SLC2A7: variants seen among roughly 807,000 people sequenced by gnomAD.
SLC2A7 encodes the protein solute carrier family 2, facilitated glucose transporter member 7.
SLC2A7 carries 50 observed loss-of-function variants against 50.5 expected under a neutral mutation model. That is an observed-to-expected ratio of 0.99 (90% CI 0.79 to 1.25). The LOEUF (loss-of-function observed/expected upper bound fraction) is 1.25, where lower values mean the gene tolerates loss of function less well. Among genes scored for constraint, SLC2A7 ranks in the 50% most tolerant of loss-of-function variants. The pLI is 0.00. For synonymous variants in SLC2A7, 308 were observed against 300.4 expected (o/e 1.03, Z -0.26); for missense variants, 683 against 679.1 (o/e 1.01, Z -0.06).
At chr1:8,993,692 A>C in the SLC2A7 span, among the ~76,000 whole-genome samples, 1 of 152,172 alleles carries the variant, frequency 6.6e-6, no homozygotes, top group Admixed American at 6.5e-5. Context: ...CAGTGGCACG[A>C]TCTTGGCTCA....
At chr1:9,012,603 T>C (rs1371308359) in intron 8 of SLC2A7, among the ~76,000 whole-genome samples, 1 of 152,196 alleles carries the variant, frequency 6.6e-6, no homozygotes, top group Non-Finnish European at 1.5e-5. Context: ...AAATAATAGA[T>C]AACTTTCTTG....
At chr1:9,023,177 T>C in intron 2 of SLC2A7, 99 bp from the exon 3 acceptor site, 1 of 1,326,656 alleles carries the variant, frequency 7.5e-7, no homozygotes, top group East Asian at 2.3e-5. Flanking sequence ...CAGAGAGGTT[T>C]TTCTGCTAAC....
chr1:8,998,981 T>C (rs1481722741), downstream of SLC2A7, among the ~76,000 whole-genome samples: 1 of 152,210 alleles, frequency 6.6e-6, no homozygotes, highest in East Asian at 1.9e-4. Context: ...TTCCTTCCTT[T>C]TTAATTTTCT....
chr1:9,018,269 G>A lies in SLC2A7; in HGVS notation c.543C>T (p.Phe181=). 1.9e-6 allele frequency: 3 copies of A among 1,614,192 alleles called. No individual in the cohort carries two copies. Among genetic ancestry groups the A allele is most frequent in the Non-Finnish European group, 2.5e-6 (3 of 1,180,036 alleles). ...MTEVFVIVGV[F]LAQIFSLQAI... ...CCTGGAGGCTGAAGATCTGTGCTAG[G>A]AAGACTCCAACGATGACGAAAACCT... The change falls in exon 5 of 12, where the codon TTC becomes TTT. Residue 181 remains phenylalanine, a synonymous_variant. Transcript: ENST00000400906.
At chr1:9,011,068 C>T (rs547959929) in intron 8 of SLC2A7, among the ~76,000 whole-genome samples, 1 of 151,584 alleles carries the variant, frequency 6.6e-6, no homozygotes, top group African/African-American at 2.5e-5. Flanking sequence ...ACAGCTGGCA[C>T]AGCCCCTGTG....
rs747148671 is a variant in SLC2A7, at chr1:9,013,600, C to T, written c.939G>A (p.Ala313=). Residue 313 remains alanine, a synonymous_variant, in exon 8 of 12, where the codon GCG becomes GCA. Transcript: ENST00000400906. ...ATTGGGAGTGAGCGGCCTCCACGCC[C>T]GCAGATGTGTAGATGGTGTCCGCAT... ...NYYADTIYTS[A]GVEAAHSQYV... is the part of the protein sequence containing the mutation. The T allele has an allele frequency of 2.4e-5, 38 of 1,613,988 alleles. No homozygotes were observed. Among genetic ancestry groups the T allele is most frequent in the African/African-American group, 1.2e-4 (9 of 74,934 alleles).
chr1:8,995,024 GC>G, the SLC2A7 span, among the ~76,000 whole-genome samples: 1 of 151,630 alleles, frequency 6.6e-6, no homozygotes, highest in Non-Finnish European at 1.5e-5. Flanking sequence ...ACCTGCCTCA[GC>G]CTCCCAAAGT....
chr1:8,994,995 T>G, the SLC2A7 span, among the ~76,000 whole-genome samples: 9,822 of 151,356 alleles, frequency 0.065, 1,066 homozygotes, highest in African/African-American at 0.23. Context: ...GGTCTCGAAC[T>G]CCTGACCTCA....
intron 3 of SLC2A7, among the ~76,000 whole-genome samples, chr1:9,020,470 G>A (rs985006018): frequency 1.3e-5 from 2 of 151,972 alleles, no homozygotes; most frequent in African/African-American, 2.4e-5. Flanking sequence ...TGCCAGGTGC[G>A]TCCTGCTGCC....
chr1:9,013,403 G>A (rs1640778736), intron 8 of SLC2A7, 122 bp downstream of exon 8: 1 of 703,588 alleles, frequency 1.4e-6, no homozygotes, highest in Admixed American at 2.9e-5. Context: ...TAAAGTCCAT[G>A]TCCCTTAAAT....
chr1:9,016,054 CAAGA>C (rs1428654971), intron 5 of SLC2A7, among the ~76,000 whole-genome samples: 1 of 152,154 alleles, frequency 6.6e-6, no homozygotes, highest in East Asian at 1.9e-4. Flanking sequence ...GAGCCTCAGG[CAAGA>C]AGTGGCGAGG....
chr1:9,004,323 G>T (rs1459779622), intron 11 of SLC2A7, among the ~76,000 whole-genome samples: 1 of 73,802 alleles, frequency 1.4e-5, no homozygotes, highest in Non-Finnish European at 2.9e-5. Flanking sequence ...ACAGAGCAAG[G>T]CCCTGTCTAA....
At chr1:9,017,875 T>A (rs1045577908) in intron 5 of SLC2A7, among the ~76,000 whole-genome samples, 5 of 152,170 alleles carry the variant, frequency 3.3e-5, no homozygotes, top group African/African-American at 4.8e-5. Flanking sequence ...TGCCCTGCAT[T>A]GACTTCCCTC....
chr1:8,992,857 T>C, the SLC2A7 span, among the ~76,000 whole-genome samples: 2 of 152,110 alleles, frequency 1.3e-5, no homozygotes, highest in African/African-American at 4.8e-5. Context: ...GATTCCAGCC[T>C]TGCAGCCCAG....
At position 9,018,381 on chromosome 1, in the gene SLC2A7, T is replaced by C. The variant is rs758609362; in HGVS notation, c.437-6A>G. 1 of 1,613,518 alleles carries C rather than the reference T, an allele frequency of 6.2e-7. No homozygotes were observed. The highest frequency in any genetic ancestry group is 1.1e-5 in the South Asian group (1 of 91,066). On this transcript the variant is annotated splice_region_variant and splice_polypyrimidine_tract_variant and intron_variant, in intron 4 of 11. Transcript: ENST00000400906. ...AAGGGCGCTGTAGGAGATGCCTGGT[T>C]TGGGCACAGCAGAAATCAGGGCAGG...
intron 11 of SLC2A7, among the ~76,000 whole-genome samples, chr1:9,003,907 T>A (rs148536554): frequency 6.6e-6 from 1 of 151,618 alleles, no homozygotes; most frequent in East Asian, 1.9e-4. Flanking sequence ...AAATAACCAA[T>A]GCTGGTCGAG....
At chr1:9,006,747 T>G (rs559534876) in intron 10 of SLC2A7, among the ~76,000 whole-genome samples, 5 of 152,300 alleles carry the variant, frequency 3.3e-5, no homozygotes, top group Admixed American at 6.5e-5. Flanking sequence ...CAGGGGTGTC[T>G]TTTCCCAGGC....
chr1:9,026,265 C>G (rs1389851133), intron 1 of SLC2A7, 30 bp downstream of exon 1: 1 of 1,604,486 alleles, frequency 6.2e-7, no homozygotes, highest in Non-Finnish European at 8.5e-7. Context: ...GGGAGAGGGA[C>G]AGTGACAGGT....
intron 2 of SLC2A7, among the ~76,000 whole-genome samples, chr1:9,023,531 T>C (rs1054624072): frequency 2.0e-5 from 3 of 151,888 alleles, no homozygotes; most frequent in African/African-American, 7.2e-5. Flanking sequence ...GGCGTGAACC[T>C]GGGAGGTGGA....
Sources: allele counts gnomAD v4.1 joint callset (sites outside exome capture counted in the v4.1 genomes callset), GRCh38; gene constraint gnomAD v4.1.1; transcripts MANE v1.5; gene names NCBI Gene and HGNC (gene_info 2026-07-23, HGNC 2026-07-21).